Variants in FAF1 observed in about 807,000 individuals in gnomAD.
FAF1 encodes FAS-associated factor 1.
A neutral mutation model predicts 92.5 loss-of-function variants in FAF1; 25 were observed. That is an observed-to-expected ratio of 0.27 (90% CI 0.20 to 0.38). FAF1 has a LOEUF of 0.38. Ranked by LOEUF, FAF1 falls within the 10% of genes least tolerant of loss-of-function variation. The pLI is 1.00. For missense variants in FAF1, 636 were observed against 793.3 expected (o/e 0.80, Z 2.38); for synonymous variants, 234 against 273.2 (o/e 0.86, Z 1.42).
intron 1 of FAF1, among the ~76,000 whole-genome samples, chr1:50,895,784 CA>C (rs937653099): frequency 6.6e-6 from 1 of 151,922 alleles, no homozygotes; most frequent in African/African-American, 2.4e-5. Flanking sequence ...GAATGAAGGA[CA>C]AAAACCATAT....
intron 8 of FAF1, among the ~76,000 whole-genome samples, chr1:50,612,768 A>G (rs1022933333): frequency 1.3e-5 from 2 of 152,260 alleles, no homozygotes; most frequent in African/African-American, 4.8e-5. Context: ...GCACACCAGC[A>G]TAAATGGGTA....
At chr1:50,601,920 C>A (rs1652155109) in intron 8 of FAF1, among the ~76,000 whole-genome samples, 4 of 151,970 alleles carry the variant, frequency 2.6e-5, no homozygotes, top group Non-Finnish European at 4.4e-5. Flanking sequence ...AAGAATAAGA[C>A]ATTTTAAGAG....
At chr1:50,587,980 C>G (rs753485460) in intron 9 of FAF1, among the ~76,000 whole-genome samples, 6 of 152,156 alleles carry the variant, frequency 3.9e-5, no homozygotes, top group African/African-American at 1.4e-4. Context: ...TATGTCAAGG[C>G]ACTATGTTAA....
chr1:50,923,960 G>A (rs1045211106), intron 1 of FAF1, among the ~76,000 whole-genome samples: 1 of 152,116 alleles, frequency 6.6e-6, no homozygotes, highest in African/African-American at 2.4e-5. Context: ...CCCACAGCTA[G>A]CATCATACTG....
intron 12 of FAF1, among the ~76,000 whole-genome samples, chr1:50,573,823 A>C (rs972779153): frequency 8.9e-4 from 134 of 151,184 alleles, no homozygotes; most frequent in Non-Finnish European, 1.3e-3. Flanking sequence ...AAAACAAAAA[A>C]AAAAAAAACA....
intron 2 of FAF1, among the ~76,000 whole-genome samples, chr1:50,809,145 C>T (rs531435990): frequency 1.3e-5 from 2 of 152,092 alleles, no homozygotes; most frequent in Non-Finnish European, 2.9e-5. Context: ...AAGTTTATAG[C>T]GCTGAACACC....
Position 50,527,928 on chromosome 1 carries a change from T to C in FAF1, c.1494+7441A>G, listed in dbSNP as rs550909911. On this transcript the variant is annotated intron_variant, in intron 15 of 18. Transcript: ENST00000396153. ...TACTCTTGCCCAGGCTGGAGTGCAG[T>C]GGTGCAATCACAGCTCACTGCAGCC... 3.4e-5 allele frequency among the ~76,000 whole-genome samples: 5 copies of C among 148,506 alleles called. No individual in the cohort carries two copies. The South Asian group carries it at 1.1e-3, about 32-fold the overall frequency.
intron 15 of FAF1, among the ~76,000 whole-genome samples, chr1:50,522,563 G>A (rs1321809772): frequency 1.3e-5 from 2 of 152,146 alleles, no homozygotes; most frequent in Admixed American, 1.3e-4. Context: ...ATTTAATACA[G>A]AGTAACAAAC....
At chr1:50,758,417 G>A (rs1328700010) in intron 4 of FAF1, among the ~76,000 whole-genome samples, 1 of 152,192 alleles carries the variant, frequency 6.6e-6, no homozygotes, top group African/African-American at 2.4e-5. Flanking sequence ...TCTTACGACA[G>A]AATACTTCTA....
intron 18 of FAF1, among the ~76,000 whole-genome samples, chr1:50,462,536 T>C (rs879256239): frequency 1.5e-4 from 23 of 152,190 alleles, no homozygotes; most frequent in Non-Finnish European, 2.5e-4. Context: ...ACTCCTCCCC[T>C]TTTTAAAGTA....
intron 8 of FAF1, among the ~76,000 whole-genome samples, chr1:50,631,395 A>G (rs1025936309): frequency 6.6e-6 from 1 of 152,140 alleles, no homozygotes; most frequent in African/African-American, 2.4e-5. Flanking sequence ...CATGCTGTAT[A>G]CTCAACCTGC....
intron 1 of FAF1, among the ~76,000 whole-genome samples, chr1:50,950,135 T>C (rs1167113199): frequency 1.3e-5 from 2 of 152,194 alleles, no homozygotes; most frequent in African/African-American, 2.4e-5. Context: ...CCACCACACC[T>C]GTCCCAGATC....
chr1:50,553,371 T>A (rs555994691), intron 13 of FAF1, among the ~76,000 whole-genome samples: 5 of 152,326 alleles, frequency 3.3e-5, no homozygotes, highest in Admixed American at 2.0e-4. Context: ...TTATCAAGAA[T>A]GATGACAGGA....
At chr1:50,859,353 T>C (rs1028614207) in intron 1 of FAF1, among the ~76,000 whole-genome samples, 2 of 151,730 alleles carry the variant, frequency 1.3e-5, no homozygotes, top group Admixed American at 1.3e-4. Flanking sequence ...TGATTCTGTA[T>C]CTAGAAAACC....
chr1:50,811,581 C>T (rs1643912474), intron 2 of FAF1, among the ~76,000 whole-genome samples: 5 of 152,124 alleles, frequency 3.3e-5, no homozygotes, highest in African/African-American at 1.2e-4. Context: ...AAGGAAAAAA[C>T]ATTTCATGCT....
At chr1:50,621,641 C>A (rs1486132325) in intron 8 of FAF1, among the ~76,000 whole-genome samples, 1 of 151,820 alleles carries the variant, frequency 6.6e-6, no homozygotes, top group East Asian at 2.0e-4. Context: ...CTCAGGTGAT[C>A]CACCCACCTC....
chr1:50,555,177 C>T (rs1290893806), intron 13 of FAF1, among the ~76,000 whole-genome samples: 1 of 151,664 alleles, frequency 6.6e-6, no homozygotes, highest in Non-Finnish European at 1.5e-5. Context: ...GAGTCAAGAT[C>T]GTGCCACTGC....
At chr1:50,611,083 C>T (rs1417463443) in intron 8 of FAF1, among the ~76,000 whole-genome samples, 1 of 152,198 alleles carries the variant, frequency 6.6e-6, no homozygotes. Context: ...CCAGCAATTA[C>T]ACTTTACCAG....
intron 5 of FAF1, among the ~76,000 whole-genome samples, chr1:50,739,482 A>C (rs776135831): frequency 6.4e-4 from 97 of 152,270 alleles, no homozygotes; most frequent in Middle Eastern, 6.8e-3. Flanking sequence ...AACTAGCATA[A>C]ACCTGAATGT....
Sources: gnomAD v4.1 joint callset for allele counts (sites outside exome capture counted in the v4.1 genomes callset) on GRCh38, gnomAD v4.1.1 for gene constraint, MANE v1.5 for transcripts, NCBI Gene and HGNC (gene_info 2026-07-23, HGNC 2026-07-21) for gene names.